TJP1: variants seen among roughly 807,000 people sequenced by gnomAD.
TJP1 encodes tight junction protein 1, also known as tight junction protein ZO-1.
Under a neutral mutation model 194.2 loss-of-function variants are expected in TJP1, and 43 were observed. That is an observed-to-expected ratio of 0.22 (90% CI 0.17 to 0.29). The LOEUF (loss-of-function observed/expected upper bound fraction) is 0.29, where lower values mean the gene tolerates loss of function less well. Among genes scored for constraint, TJP1 ranks in the 10% least tolerant of loss-of-function variants. TJP1 has a pLI of 1.00. For synonymous variants in TJP1, 801 were observed against 779.0 expected (o/e 1.03, Z -0.47); for missense variants, 1,971 against 2,185.7 (o/e 0.90, Z 1.96).
chr15:29,904,290 C>G (rs966220657), intron 2 of TJP1, among the ~76,000 whole-genome samples: 5 of 152,074 alleles, frequency 3.3e-5, no homozygotes, highest in East Asian at 1.9e-4. Context: ...ACAGAGAAAC[C>G]AGGTACTGGC....
intron 1 of TJP1, among the ~76,000 whole-genome samples, chr15:29,958,332 T>C (rs1009785167): frequency 5.3e-5 from 8 of 151,882 alleles, no homozygotes; most frequent in East Asian, 1.9e-4. Context: ...TCTGGATAAG[T>C]AGCATGTAGC....
In TJP1 at chr15:29,718,062, A is replaced by C; in HGVS notation, c.3933T>G (p.Thr1311=). The C allele has an allele frequency of 6.2e-7, 1 of 1,613,240 alleles. No individual in the cohort carries two copies. The change falls in exon 22 of 28, where the codon ACT becomes ACG. Residue 1311 remains threonine, a synonymous_variant. Coordinates refer to ENST00000614355, the MANE Select transcript of TJP1 (RefSeq NM_001330239.4). ...CATGTTCACTGAATTGATTCTGAGA[A>C]GTGGGTTTGGGACCAATGATGGGAG... ...SGAPIIGPKP[T]SQNQFSEHDK...
intron 2 of TJP1, among the ~76,000 whole-genome samples, chr15:29,784,176 G>A (rs2047553076): frequency 6.6e-6 from 1 of 152,022 alleles, no homozygotes; most frequent in African/African-American, 2.4e-5. Flanking sequence ...ATTGAAACTA[G>A]GTACTGAAAG....
At chr15:29,833,881 A>ATATATATATATATATATTTTTTTTTT (rs1555434000) in intron 2 of TJP1, among the ~76,000 whole-genome samples, 1 of 12,616 alleles carries the variant, frequency 7.9e-5, no homozygotes, top group Non-Finnish European at 1.4e-4. Context: ...ATATATATAT[A>ATATATATATATATATATTTTTTTTTT]TTTTTTTTTT....
At chr15:29,829,078 G>A (rs2050759229) in intron 2 of TJP1, among the ~76,000 whole-genome samples, 2 of 152,088 alleles carry the variant, frequency 1.3e-5, no homozygotes, top group Non-Finnish European at 2.9e-5. Flanking sequence ...GCTCTTGGCC[G>A]GCTCTATGTG....
chr15:29,720,556 A>C lies in TJP1; in HGVS notation c.2565T>G (p.Asp855Glu). The change falls in exon 19 of 28, where the codon GAT becomes GAG. Residue 855 changes from aspartate to glutamate, a missense_variant. By Grantham distance (45) the Asp-to-Glu change is conservative. This residue lies in a region of TJP1 where 1,108 missense variants were observed against 1,128.5 expected (regional missense o/e 0.98). Coordinates refer to ENST00000614355, the MANE Select transcript of TJP1 (RefSeq NM_001330239.4). ...CATTAAGAGTTTCATCTAGTTCTTGATCAGTGTAGGCCCCGCCTTCTGTGT... is the reference window on the plus strand; with the variant it reads ...CATTAAGAGTTTCATCTAGTTCTTGCTCAGTGTAGGCCCCGCCTTCTGTGT... ...DTDTEGGAYT[D>E]QELDETLNDE... 1 of 1,614,064 alleles carries C rather than the reference A, an allele frequency of 6.2e-7. No individual in the cohort carries two copies. Among genetic ancestry groups the C allele is most frequent in the African/African-American group, 1.3e-5 (1 of 74,994 alleles).
At chr15:29,905,194 A>C (rs1213242133) in intron 2 of TJP1, among the ~76,000 whole-genome samples, 10 of 152,244 alleles carry the variant, frequency 6.6e-5, no homozygotes, top group Non-Finnish European at 1.5e-4. Context: ...AAAAGCATAG[A>C]TTAGCACAAC....
intron 27 of TJP1, 114 bp downstream of exon 27, chr15:29,704,048 C>T (rs1407957633): frequency 3.4e-6 from 4 of 1,162,112 alleles, no homozygotes; most frequent in African/African-American, 1.5e-5. Flanking sequence ...CCTACAAGGC[C>T]ACAGGAACAG....
At chr15:29,791,634 C>T (rs1230632948) in intron 2 of TJP1, among the ~76,000 whole-genome samples, 1 of 151,436 alleles carries the variant, frequency 6.6e-6, no homozygotes, top group Admixed American at 6.6e-5. Context: ...ACTTCATGAC[C>T]CACCCACCTC....
rs544307311 is a variant in TJP1 at position 29,843,186 on chromosome 15, C to CT, written c.307-42485dup. Among the ~76,000 whole-genome samples the CT allele has an allele frequency of 5.0e-3, 348 of 69,462 alleles. 1 individual carries two copies. The highest frequency in any genetic ancestry group is 0.016 in the African/African-American group (299 of 19,140). The allele number at this position is 69,462 out of a possible 152,430, so 45.6% of individuals were successfully genotyped here. A position where few individuals can be genotyped will look rare whatever the true frequency, so the allele number is the denominator to read the frequency against. On this transcript the variant is annotated intron_variant, in intron 2 of 28. Coordinates refer to the TJP1 transcript ENST00000356107. ...TTCTGTTTTTTTTCTTTTTTCTTTT[C>CT]TTTTTTTTTTTCTTTTTTTGAGACG...
At chr15:29,758,943 ATACAT>A (rs1461529026) in intron 8 of TJP1, 1 of 152,188 alleles carries the variant, frequency 6.6e-6, no homozygotes, top group East Asian at 1.9e-4. Flanking sequence ...AGCTTCACAA[ATACAT>A]AAAAACTACA....
In TJP1 at chr15:29,718,311, T is replaced by A. The variant is rs752547716; in HGVS notation, c.3831A>T (p.Ala1277=). 6.2e-7 allele frequency: 1 copy of A among 1,614,106 alleles called. No individual in the cohort carries two copies. Among genetic ancestry groups the A allele is most frequent in the Admixed American group, 1.7e-5 (1 of 60,004 alleles). The change falls in exon 21 of 28, where the codon GCA becomes GCT. Residue 1277 remains alanine (A), a synonymous_variant. Transcript: ENST00000614355. ...TTACATCCTTCTTGGTCTCTAAGGATGCAGATCTTTTGTTTTCAAACATCT... is the reference window on the plus strand; with the variant it reads ...TTACATCCTTCTTGGTCTCTAAGGAAGCAGATCTTTTGTTTTCAAACATCT... ...RVKMFENKRS[A]SLETKKDVND...
At chr15:29,825,413 C>T (rs1474420819), upstream of TJP1, among the ~76,000 whole-genome samples, 8 of 152,154 alleles carry the variant, frequency 5.3e-5, no homozygotes, top group Admixed American at 5.2e-4. Flanking sequence ...ATCTCTGCAA[C>T]TGAACAGGAA....
chr15:29,893,253 G>A (rs2053369484), intron 2 of TJP1, among the ~76,000 whole-genome samples: 9 of 152,212 alleles, frequency 5.9e-5, no homozygotes, highest in Admixed American at 5.9e-4. Flanking sequence ...CAGTCAAGAA[G>A]CTGCTTCACG....
chr15:29,896,618 G>C (rs980861249), intron 2 of TJP1, among the ~76,000 whole-genome samples: 5 of 152,210 alleles, frequency 3.3e-5, no homozygotes, highest in African/African-American at 4.8e-5. Flanking sequence ...AAGAAAATGG[G>C]AGAAAGTTTG....
intron 2 of TJP1, among the ~76,000 whole-genome samples, chr15:29,835,049 T>C (rs1036947735): frequency 3.9e-5 from 6 of 152,082 alleles, no homozygotes; most frequent in Non-Finnish European, 7.4e-5. Flanking sequence ...GGAGGGGTAA[T>C]GAGAGGGGCT....
intron 2 of TJP1, among the ~76,000 whole-genome samples, chr15:29,835,891 GAGAGAGAGAGAGAGACAGAGAGAGAC>G (rs1171142751): frequency 1.3e-5 from 2 of 148,764 alleles, no homozygotes; most frequent in Non-Finnish European, 3.0e-5. Context: ...GACGGGGAAA[GAGAGAGAGAGAGAGACAGAGAGAGAC>G]AGAGAGAGAG....
At chr15:29,702,070 G>T (rs1176323146) in intron 27 of TJP1, among the ~76,000 whole-genome samples, 6 of 151,456 alleles carry the variant, frequency 4.0e-5, no homozygotes, top group African/African-American at 1.5e-4. Flanking sequence ...GTTTGCCAGA[G>T]CCCACATAAT....
chr15:29,734,452 G>C, intron 11 of TJP1, 70 bp from the exon 12 acceptor site: 6 of 1,086,228 alleles, frequency 5.5e-6, no homozygotes, highest in Non-Finnish European at 6.8e-6. Flanking sequence ...GCAGGACACA[G>C]ATACTCTCAG....
Sources: gnomAD v4.1 joint callset for allele counts (sites outside exome capture counted in the v4.1 genomes callset) on GRCh38, gnomAD v4.1.1 for gene constraint, gnomAD v4.1.1 regional missense constraint, MANE v1.5 for transcripts, NCBI Gene and HGNC (gene_info 2026-07-23, HGNC 2026-07-21) for gene names.